The following FBRSL1 variants were observed in gnomAD, a reference collection of about 807,000 sequenced individuals.
FBRSL1 encodes fibrosin like 1, also known as fibrosin-1-like protein.
In FBRSL1, 51 loss-of-function variants were observed where a neutral mutation model predicts 89.6. That is an observed-to-expected ratio of 0.57 (90% CI 0.45 to 0.72). The LOEUF (loss-of-function observed/expected upper bound fraction) is 0.72, where lower values mean the gene tolerates loss of function less well. Ranked by LOEUF, FBRSL1 falls within the 30% of genes least tolerant of loss-of-function variation. The probability of loss-of-function intolerance (pLI) is 0.00; values close to 1 mark genes in which losing one functional copy is unlikely to be tolerated. For synonymous variants in FBRSL1, 779 were observed against 681.1 expected (o/e 1.14, Z -2.24); for missense variants, 1,618 against 1,451.8 (o/e 1.11, Z -1.86).
At chr12:132,560,152 G>T (rs1289943512) in intron 5 of FBRSL1, 1 of 151,908 alleles carries the variant, frequency 6.6e-6, no homozygotes, top group Non-Finnish European at 1.5e-5. Flanking sequence ...GGCCACCCGG[G>T]GCTCGCGCTC....
At chr12:132,576,077 T>C (rs997386689) in intron 14 of FBRSL1, among the ~76,000 whole-genome samples, 7 of 152,208 alleles carry the variant, frequency 4.6e-5, no homozygotes, top group African/African-American at 1.7e-4. Flanking sequence ...GGGCACATGT[T>C]GTAGTTTCAT....
chr12:132,508,885 C>T (rs974840563), intron 2 of FBRSL1, among the ~76,000 whole-genome samples: 1 of 152,178 alleles, frequency 6.6e-6, no homozygotes, highest in African/African-American at 2.4e-5. Flanking sequence ...GCCCAGGGGC[C>T]TCCTGCCCAG....
chr12:132,583,550 C>A lies in FBRSL1; in HGVS notation c.2781C>A (p.Ala927=). The A allele has an allele frequency of 1.9e-6, 2 of 1,042,114 alleles. No homozygotes were observed. The highest frequency in any genetic ancestry group is 3.0e-5 in the South Asian group (1 of 33,718). The allele number at this position is 1,042,114 out of a possible 1,614,324, so 64.6% of individuals were successfully genotyped here. A position where few individuals can be genotyped will look rare whatever the true frequency, so the allele number is the denominator to read the frequency against. The change falls in exon 19 of 19, where the codon GCC becomes GCA. Residue 927 remains alanine, a synonymous_variant. Transcript: ENST00000680143. ...GCGCGCTGCTGCCCTCGCTGGGAGC[C>A]CTGCACTTCCCGCGCCTCTCGCCCG... ...LDGALLPSLG[A]LHFPRLSPAA... is the part of the protein sequence containing the mutation.
intron 2 of FBRSL1, chr12:132,509,579 C>T (rs1036126850): frequency 1.6e-6 from 2 of 1,232,154 alleles, no homozygotes; most frequent in African/African-American, 1.6e-5. Flanking sequence ...CGTGTCACCA[C>T]TGCCGGCGCC....
chr12:132,555,595 G>A (rs2038570553), intron 5 of FBRSL1, among the ~76,000 whole-genome samples: 1 of 152,056 alleles, frequency 6.6e-6, no homozygotes, highest in African/African-American at 2.4e-5. Flanking sequence ...CACAAGTCTG[G>A]CATCATGGTG....
At chr12:132,572,461 T>C (rs1449561331) in intron 10 of FBRSL1, 66 bp from the exon 11 acceptor site, 2 of 1,498,698 alleles carry the variant, frequency 1.3e-6, no homozygotes, top group Admixed American at 2.0e-5. Context: ...TGCCACCTTC[T>C]GGTTACAGGC....
chr12:132,570,046 C>T lies in FBRSL1; in HGVS notation c.812C>T (p.Ala271Val). The change falls in exon 7 of 19, where the codon GCC becomes GTC. Residue 271 changes from alanine to valine, a missense_variant. Coordinates refer to ENST00000680143, the MANE Select transcript of FBRSL1 (RefSeq NM_001367871.1). ...FLPTASPAPH[A>V]APCPGPPPGS... Reference sequence around the variant, plus strand: ...CCCACTGCCAGCCCCGCGCCCCATGCCGCGCCCTGCCCGGGGCCCCCGCCC... The same window carrying T: ...CCCACTGCCAGCCCCGCGCCCCATGTCGCGCCCTGCCCGGGGCCCCCGCCC... The T allele has an allele frequency of 1.3e-6, 2 of 1,505,640 alleles. No homozygotes were observed. Among genetic ancestry groups the T allele is most frequent in the Non-Finnish European group, 1.8e-6 (2 of 1,133,902 alleles). The allele number at this position is 1,505,640 out of a possible 1,614,324, so 93.3% of individuals were successfully genotyped here. A position where few individuals can be genotyped will look rare whatever the true frequency, so the allele number is the denominator to read the frequency against.
Position 132,535,937 on chromosome 12 carries a change from A to G in FBRSL1, c.615+7949A>G, listed in dbSNP as rs1346514142. 4.5e-5 allele frequency among the ~76,000 whole-genome samples: 6 copies of G among 132,430 alleles called. No individual in the cohort carries two copies. In the South Asian group the frequency reaches 7.3e-4, roughly 16 times the overall value. The allele number at this position is 132,430 out of a possible 152,430, so 86.9% of individuals were successfully genotyped here. Reference sequence around the variant, plus strand: ...TCCATGATGGTGTGTGTGAGTGCACATGTGTCCATGATGGTGTGTGAGCAC... The same window carrying G: ...TCCATGATGGTGTGTGTGAGTGCACGTGTGTCCATGATGGTGTGTGAGCAC... On this transcript the variant is annotated intron_variant, in intron 4 of 18. Coordinates refer to ENST00000680143, the MANE Select transcript of FBRSL1 (RefSeq NM_001367871.1).
intron 2 of FBRSL1, 52 bp downstream of exon 2, chr12:132,508,402 G>A (rs1006247307): frequency 2.1e-6 from 3 of 1,436,524 alleles, no homozygotes; most frequent in East Asian, 2.5e-5. Flanking sequence ...AGTGCTCACC[G>A]CCCCAGGGCC....
At chr12:132,495,586 G>C (rs936780369) in intron 1 of FBRSL1, among the ~76,000 whole-genome samples, 3 of 152,224 alleles carry the variant, frequency 2.0e-5, no homozygotes, top group African/African-American at 7.2e-5. Context: ...GCACAGAGAG[G>C]GGAAGTGCTT....
chr12:132,551,485 A>G (rs1222229986), intron 5 of FBRSL1: 6 of 456,280 alleles, frequency 1.3e-5, no homozygotes, highest in Non-Finnish European at 2.6e-5. Flanking sequence ...TTCTGGACGG[A>G]GTGGTGGGGA....
intron 4 of FBRSL1, among the ~76,000 whole-genome samples, chr12:132,540,715 C>T (rs2037186969): frequency 6.6e-6 from 1 of 152,266 alleles, no homozygotes; most frequent in African/African-American, 2.4e-5. Context: ...TGGAACCAGG[C>T]TCCAGGGCAA....
intron 10 of FBRSL1, 65 bp from the exon 11 acceptor site, chr12:132,572,462 G>C (rs1373464864): frequency 3.9e-5 from 58 of 1,498,872 alleles, no homozygotes; most frequent in Non-Finnish European, 5.0e-5. Context: ...GCCACCTTCT[G>C]GTTACAGGCA....
intron 13 of FBRSL1, 42 bp downstream of exon 13, chr12:132,574,390 G>C (rs894259099): frequency 5.7e-5 from 89 of 1,549,474 alleles, no homozygotes; most frequent in Non-Finnish European, 7.0e-5. Flanking sequence ...GGAGGACTCT[G>C]GTGCCCCCGG....
Position 132,571,153 on chromosome 12 carries a change from T to G in FBRSL1, c.1299T>G (p.Ala433=), listed in dbSNP as rs1221601296. 1.4e-6 allele frequency: 2 copies of G among 1,399,666 alleles called. No individual in the cohort carries two copies. The highest frequency in any genetic ancestry group is 1.9e-6 in the Non-Finnish European group (2 of 1,077,338). 86.7% of individuals were successfully genotyped at this position (1,399,666 alleles called of 1,614,324 possible). A position where few individuals can be genotyped will look rare whatever the true frequency, so the allele number is the denominator to read the frequency against. Residue 433 remains alanine, a synonymous_variant, in exon 9 of 19, where the codon GCT becomes GCG. Coordinates refer to ENST00000680143, the MANE Select transcript of FBRSL1 (RefSeq NM_001367871.1). ...TTCTGATTGGTACTTGGTCACAGGCTCCTCTCTTACCTGCACCCCTGGGCC... is the reference window on the plus strand; with the variant it reads ...TTCTGATTGGTACTTGGTCACAGGCGCCTCTCTTACCTGCACCCCTGGGCC... The part of the protein sequence containing the change: ...SGILIGTWSQ[A]PLLPAPLGPH...
At chr12:132,507,033 C>A in intron 1 of FBRSL1, 2 of 233,180 alleles carry the variant, frequency 8.6e-6, no homozygotes, top group Non-Finnish European at 1.4e-5. Flanking sequence ...GCGTGGCCGG[C>A]ACCACCATGG....
intron 1 of FBRSL1, among the ~76,000 whole-genome samples, chr12:132,502,785 G>GCC (rs2033164279): frequency 2.7e-5 from 1 of 37,170 alleles, no homozygotes; most frequent in Non-Finnish European, 5.2e-5. Flanking sequence ...TACCGTCCCT[G>GCC]CCCTCTCCTG....
chr12:132,575,952 GC>G (rs773960037), intron 14 of FBRSL1, among the ~76,000 whole-genome samples: 3 of 152,226 alleles, frequency 2.0e-5, no homozygotes, highest in Non-Finnish European at 4.4e-5. Context: ...CTGGCTCTGG[GC>G]CCCTCTGCTC....
At chr12:132,564,726 A>G (rs2039459830) in intron 5 of FBRSL1, among the ~76,000 whole-genome samples, 1 of 71,874 alleles carries the variant, frequency 1.4e-5, no homozygotes. Flanking sequence ...CGATCTCCTG[A>G]CCTCGTGATC....
Sources: allele counts gnomAD v4.1 joint callset (sites outside exome capture counted in the v4.1 genomes callset), GRCh38; gene constraint gnomAD v4.1.1; transcripts MANE v1.5; gene names NCBI Gene and HGNC (gene_info 2026-07-23, HGNC 2026-07-21).